PCDH9: variants seen among roughly 807,000 people sequenced by gnomAD.
PCDH9 encodes the protein protocadherin-9.
Under a neutral mutation model 70.6 loss-of-function variants are expected in PCDH9, and 24 were observed. The ratio of observed to expected loss-of-function variants is 0.34; its 90% CI spans 0.25 to 0.48. The LOEUF is 0.48. Among genes scored for constraint, PCDH9 ranks in the 20% least tolerant of loss-of-function variants. PCDH9 has a pLI of 0.99. For missense variants in PCDH9, 1,281 were observed against 1,503.6 expected, an observed-to-expected ratio of 0.85 and a Z score of 2.45; for synonymous variants, 562 against 558.5, an observed-to-expected ratio of 1.01 and a Z score of -0.09.
intron 4 of PCDH9, among the ~76,000 whole-genome samples, chr13:66,416,121 G>A (rs985340675): frequency 2.0e-5 from 3 of 152,092 alleles, no homozygotes; most frequent in Admixed American, 6.6e-5. Flanking sequence ...ATTTTGCGGG[G>A]ATGGGTAGAG....
At chr13:66,733,042 C>G (rs1429603394) in intron 3 of PCDH9, among the ~76,000 whole-genome samples, 1 of 151,972 alleles carries the variant, frequency 6.6e-6, no homozygotes, top group Non-Finnish European at 1.5e-5. Context: ...CGTATTTTAA[C>G]AGCAACAAGT....
At chr13:66,421,058 T>C (rs549247575) in intron 4 of PCDH9, among the ~76,000 whole-genome samples, 1 of 150,826 alleles carries the variant, frequency 6.6e-6, no homozygotes, top group African/African-American at 2.4e-5. Flanking sequence ...GCCAAATCTA[T>C]CAAGCAGAAG....
intron 4 of PCDH9, among the ~76,000 whole-genome samples, chr13:66,315,215 C>A (rs1363335413): frequency 3.3e-5 from 5 of 152,142 alleles, no homozygotes; most frequent in Admixed American, 2.6e-4. Flanking sequence ...AACTGGAAGC[C>A]AATTCTTCTT....
intron 2 of PCDH9, among the ~76,000 whole-genome samples, chr13:66,941,244 C>T (rs1327888954): frequency 6.7e-6 from 1 of 150,020 alleles, no homozygotes; most frequent in African/African-American, 2.4e-5. Flanking sequence ...CTAAAGCAAC[C>T]AATAAAAATT....
chr13:66,414,379 A>G (rs1957426699), intron 4 of PCDH9, among the ~76,000 whole-genome samples: 1 of 152,240 alleles, frequency 6.6e-6, no homozygotes, highest in Non-Finnish European at 1.5e-5. Context: ...AGTTTACATA[A>G]AATTCTCTTG....
intron 4 of PCDH9, among the ~76,000 whole-genome samples, chr13:66,308,123 G>C (rs1955500473): frequency 6.6e-6 from 1 of 152,064 alleles, no homozygotes; most frequent in Non-Finnish European, 1.5e-5. Context: ...TCATTAAAAT[G>C]ATCTGGGGGC....
At chr13:67,105,624 CTG>C (rs1448886074) in intron 2 of PCDH9, among the ~76,000 whole-genome samples, 1 of 152,002 alleles carries the variant, frequency 6.6e-6, no homozygotes, top group African/African-American at 2.4e-5. Context: ...CTTTTTAAAA[CTG>C]TGTTATGAAA....
At chr13:66,907,973 C>T (rs2082391372) in intron 2 of PCDH9, among the ~76,000 whole-genome samples, 1 of 152,104 alleles carries the variant, frequency 6.6e-6, no homozygotes, top group Admixed American at 6.6e-5. Flanking sequence ...GTTATTCCTA[C>T]CCATTTTAAA....
chr13:66,419,679 G>A (rs370299420), intron 4 of PCDH9, among the ~76,000 whole-genome samples: 5 of 152,076 alleles, frequency 3.3e-5, no homozygotes, highest in East Asian at 1.9e-4. Flanking sequence ...GATTCCCTCC[G>A]GTGCCTACAT....
At chr13:66,751,478 T>C (rs2079458016) in intron 3 of PCDH9, among the ~76,000 whole-genome samples, 1 of 152,192 alleles carries the variant, frequency 6.6e-6, no homozygotes, top group South Asian at 2.1e-4. Context: ...CTCTTTGTCT[T>C]ACTGTCAGAG....
Position 66,304,567 on chromosome 13 carries a change from T to C in PCDH9, c.*88A>G, listed in dbSNP as rs1955428185. On this transcript the variant is annotated 3_prime_UTR_variant, in exon 5 of 5. Coordinates refer to ENST00000377865, the MANE Select transcript of PCDH9 (RefSeq NM_203487.3). ...GGTATCCCTGCTAGAAGGGGCATAG[T>C]TGTAGAGATCTATTGAATACATAAA... The C allele has an allele frequency of 9.8e-7, 1 of 1,019,022 alleles. No individual in the cohort carries two copies. Among genetic ancestry groups the C allele is most frequent in the African/African-American group, 1.6e-5 (1 of 62,496 alleles). The allele number at this position is 1,019,022 out of a possible 1,614,324, so 63.1% of individuals were successfully genotyped here.
At chr13:67,089,365 T>G (rs2086171493) in intron 2 of PCDH9, among the ~76,000 whole-genome samples, 1 of 152,012 alleles carries the variant, frequency 6.6e-6, no homozygotes, top group African/African-American at 2.4e-5. Context: ...CTTCTCTCAT[T>G]GATGAGATAG....
intron 4 of PCDH9, among the ~76,000 whole-genome samples, chr13:66,372,684 C>T (rs1429766971): frequency 1.3e-5 from 2 of 151,722 alleles, no homozygotes; most frequent in African/African-American, 4.8e-5. Flanking sequence ...ATTGGCAAGA[C>T]AAGCCCCTAA....
At position 66,602,784 on chromosome 13, in the gene PCDH9, A is replaced by G. The variant is rs1205141896; in HGVS notation, c.3340+28426T>C. ...TTCACTCACTGACTCACCCAGAGCAACTTCCAGTCCTGCAATTTAAATTCA... is the reference window on the plus strand; with the variant it reads ...TTCACTCACTGACTCACCCAGAGCAGCTTCCAGTCCTGCAATTTAAATTCA... On this transcript the variant is annotated intron_variant, in intron 4 of 4. Coordinates refer to ENST00000377865, the MANE Select transcript of PCDH9 (RefSeq NM_203487.3). Among the ~76,000 whole-genome samples, 2 of 145,912 alleles carry G rather than the reference A, an allele frequency of 1.4e-5. 1 individual carries two copies. The highest frequency in any genetic ancestry group is 4.9e-5 in the African/African-American group (2 of 40,504).
chr13:67,115,200 T>C (rs1316834449), intron 2 of PCDH9, among the ~76,000 whole-genome samples: 2 of 152,238 alleles, frequency 1.3e-5, no homozygotes, highest in Non-Finnish European at 1.5e-5. Flanking sequence ...GAATAGGATG[T>C]ATCAGATTGT....
rs560020111 is a variant in PCDH9 at position 66,736,152 on chromosome 13, C to A, written c.3139-104741G>T. 2.6e-5 allele frequency among the ~76,000 whole-genome samples: 4 copies of A among 152,152 alleles called. No individual in the cohort carries two copies. In the South Asian group the frequency reaches 8.3e-4, roughly 32 times the overall value. The stretch of plus-strand genomic sequence containing the variant: ...TTAATATATTTATGATACTTATTTT[C>A]TTATGCCTGAACTTTGGTCTTAGTT... On this transcript the variant is annotated intron_variant, in intron 3 of 4. Coordinates refer to ENST00000377865, the MANE Select transcript of PCDH9 (RefSeq NM_203487.3).
intron 4 of PCDH9, among the ~76,000 whole-genome samples, chr13:66,434,883 T>C (rs1957840364): frequency 6.6e-6 from 1 of 152,110 alleles, no homozygotes; most frequent in Non-Finnish European, 1.5e-5. Context: ...ACTAGTTCAA[T>C]AATATTTTTA....
chr13:66,465,956 A>G (rs552323656), intron 4 of PCDH9, among the ~76,000 whole-genome samples: 2 of 152,092 alleles, frequency 1.3e-5, no homozygotes, highest in Admixed American at 6.6e-5. Flanking sequence ...CTTAAGTCCA[A>G]TGTTATTGTT....
chr13:67,200,927 G>C (rs1333397704), intron 2 of PCDH9: 1 of 152,008 alleles, frequency 6.6e-6, no homozygotes, highest in Non-Finnish European at 1.5e-5. Flanking sequence ...TTTTCAATAA[G>C]ATTAAGGTCA....
Sources: gnomAD v4.1 joint callset for allele counts (sites outside exome capture counted in the v4.1 genomes callset) on GRCh38, gnomAD v4.1.1 for gene constraint, MANE v1.5 for transcripts, NCBI Gene and HGNC (gene_info 2026-07-23, HGNC 2026-07-21) for gene names.